The following SETX variants were observed in gnomAD, a reference collection of about 807,000 sequenced individuals.
The protein encoded by SETX is senataxin.
SETX carries 90 observed loss-of-function variants against 227.2 expected under a neutral mutation model. That is an observed-to-expected ratio of 0.40 (90% CI 0.33 to 0.47). The LOEUF is 0.47. Ranked by LOEUF, SETX falls within the 20% of genes least tolerant of loss-of-function variation. SETX has a pLI of 0.91. For missense variants in SETX, 3,052 were observed against 3,181.5 expected, an observed-to-expected ratio of 0.96 and a Z score of 0.98; for synonymous variants, 1,210 against 1,113.2, an observed-to-expected ratio of 1.09 and a Z score of -1.73.
In SETX at chr9:132,329,953, G is replaced by C; in HGVS notation, c.1645C>G (p.Leu549Val). 1 of 1,614,220 alleles carries C rather than the reference G, an allele frequency of 6.2e-7. No individual in the cohort carries two copies. ...IRSLLKEGYQLGQQSLCKRFW... is the reference protein window; with the variant it reads ...IRSLLKEGYQVGQQSLCKRFW... ...CGCTTGCAAAGAGACTGCTGCCCAAGCTGATAACCTTCTTTAAGGAGACTT... is the reference window on the plus strand; with the variant it reads ...CGCTTGCAAAGAGACTGCTGCCCAACCTGATAACCTTCTTTAAGGAGACTT... The change falls in exon 10 of 26, where the codon CTT becomes GTT. Residue 549 changes from leucine to valine, a missense_variant. This residue lies in a region of SETX where 179 missense variants were observed against 197.1 expected (regional missense o/e 0.91). Coordinates refer to ENST00000224140, the MANE Select transcript of SETX (RefSeq NM_015046.7).
chr9:132,348,085 G>A (rs540121023), intron 3 of SETX, among the ~76,000 whole-genome samples: 106 of 150,170 alleles, frequency 7.1e-4, no homozygotes, highest in Non-Finnish European at 1.0e-3. Flanking sequence ...CTGGCCAGGC[G>A]CAGTGGCTCA....
chr9:132,329,102 C>G lies in SETX; in HGVS notation c.2496G>C (p.Gln832His), dbSNP rs1185268312. The stretch of plus-strand genomic sequence containing the variant: ...GATTGTGTATGAAACCATCTCCTTT[C>G]TGAACTCCTGTATCTTTCCTTGAAT... ...SFYSRKDTGV[Q>H]KGDGFIHNLS... Residue 832 changes from glutamine to histidine, a missense_variant, in exon 10 of 26, where the codon CAG becomes CAC. This residue lies in a region of SETX where 1,483 missense variants were observed against 1,312.0 expected (regional missense o/e 1.13). Coordinates refer to ENST00000224140, the MANE Select transcript of SETX (RefSeq NM_015046.7). 1.2e-6 allele frequency: 2 copies of G among 1,610,180 alleles called. No individual in the cohort carries two copies. Among genetic ancestry groups the G allele is most frequent in the South Asian group, 1.1e-5 (1 of 90,684 alleles).
chr9:132,327,176 A>G lies in SETX; in HGVS notation c.4422T>C (p.His1474=). 1 of 1,614,188 alleles carries G rather than the reference A, an allele frequency of 6.2e-7. No individual in the cohort carries two copies. Among genetic ancestry groups the G allele is most frequent in the Non-Finnish European group, 8.5e-7 (1 of 1,180,032 alleles). Residue 1474 remains histidine (H), a synonymous_variant, in exon 10 of 26, where the codon CAT becomes CAC. Transcript: ENST00000224140. ...PLGGGDPTAR[H]IEMAALKEGE... is the part of the protein sequence containing the mutation. Reference sequence around the variant, plus strand: ...CTTCTTTCAAAGCTGCCATCTCTATATGACGTGCTGTTGGATCACCTCCAC... The same window carrying G: ...CTTCTTTCAAAGCTGCCATCTCTATGTGACGTGCTGTTGGATCACCTCCAC...
intron 22 of SETX, among the ~76,000 whole-genome samples, 189 bp from the exon 23 acceptor site, chr9:132,275,609 T>C (rs1321346499): frequency 1.3e-5 from 2 of 152,186 alleles, no homozygotes; most frequent in East Asian, 3.8e-4. Context: ...TATGAATAAA[T>C]GTGAAAATAC....
At chr9:132,298,358 A>C (rs1844797917) in intron 12 of SETX, 46 bp from the exon 13 acceptor site, 2 of 1,435,020 alleles carry the variant, frequency 1.4e-6, no homozygotes, top group African/African-American at 1.4e-5. Context: ...TCACTGAATA[A>C]TGCTGCCTAG....
chr9:132,346,305 A>G lies in SETX; in HGVS notation c.344T>C (p.Leu115Pro). Reference protein sequence around the residue: ...DFENKLRVPLLEILKYPYLLL... With the variant: ...DFENKLRVPLPEILKYPYLLL... ...CAAGTAAGGATATTTCAGTATTTCA[A>G]GAAGAGGAACTCGAAGCTTATTTTC... is the stretch of plus-strand genomic sequence containing the variant. The change falls in exon 4 of 26, where the codon CTT (leucine) becomes CCT (proline). Residue 115 changes from leucine (L) to proline (P), a missense_variant. Around this residue, in one of 10 missense-constraint regions of SETX, gnomAD observed 152 missense variants for 156.2 expected, o/e 0.97. Transcript: ENST00000224140. 1.9e-6 allele frequency: 3 copies of G among 1,614,098 alleles called. No individual in the cohort carries two copies. The highest frequency in any genetic ancestry group is 2.5e-6 in the Non-Finnish European group (3 of 1,179,988).
chr9:132,341,250 T>C (rs1046871393), intron 5 of SETX, among the ~76,000 whole-genome samples: 7 of 152,148 alleles, frequency 4.6e-5, no homozygotes, highest in Admixed American at 2.0e-4. Context: ...AAAAAATTTT[T>C]TTTAATAAAC....
chr9:132,286,459 A>T lies in SETX; in HGVS notation c.6360T>A (p.Ser2120=). The T allele has an allele frequency of 6.2e-7, 1 of 1,613,730 alleles. No homozygotes were observed. Among genetic ancestry groups the T allele is most frequent in the African/African-American group, 1.3e-5 (1 of 75,052 alleles). ...TAGAAGCAAGTTCCTGCCTTTCCTT[A>T]GAAACTTTGGAAATGTTTTCATCTA... is the stretch of plus-strand genomic sequence containing the variant. The part of the protein sequence containing the change: ...QELDENISKV[S]KERQELASKI... The change falls in exon 18 of 26, where the codon TCT becomes TCA. Residue 2120 remains serine (S), a synonymous_variant. Coordinates refer to ENST00000224140, the MANE Select transcript of SETX (RefSeq NM_015046.7).
At chr9:132,314,705 T>G (rs1845863633) in intron 10 of SETX, among the ~76,000 whole-genome samples, 1 of 152,144 alleles carries the variant, frequency 6.6e-6, no homozygotes, top group African/African-American at 2.4e-5. Context: ...AAGAATAGAT[T>G]ATTCTACAAA....
At chr9:132,342,832 T>C in intron 4 of SETX, 33 bp from the exon 5 acceptor site, 3 of 1,437,244 alleles carry the variant, frequency 2.1e-6, no homozygotes, top group Non-Finnish European at 2.9e-6. Context: ...AATACATAAA[T>C]CTTATCACCT....
At chr9:132,331,964 G>A (rs1039539412) in intron 7 of SETX, among the ~76,000 whole-genome samples, 4 of 152,172 alleles carry the variant, frequency 2.6e-5, no homozygotes, top group African/African-American at 9.7e-5. Flanking sequence ...CGCATCTAGT[G>A]TAAATGACTA....
chr9:132,338,690 T>C (rs1847786113), intron 5 of SETX, among the ~76,000 whole-genome samples: 2 of 152,352 alleles, frequency 1.3e-5, no homozygotes, highest in South Asian at 4.1e-4. Context: ...TCCTCTTCTG[T>C]TCTGGGACAT....
chr9:132,284,648 G>C (rs970808553), intron 18 of SETX, among the ~76,000 whole-genome samples: 11 of 152,178 alleles, frequency 7.2e-5, no homozygotes, highest in Non-Finnish European at 1.3e-4. Context: ...TGTTACAGGA[G>C]TCTTATGATC....
chr9:132,353,098 C>G lies in SETX; in HGVS notation c.-8+551G>C, dbSNP rs562596420. Among the ~76,000 whole-genome samples the G allele has an allele frequency of 9.9e-5, 15 of 152,266 alleles. No homozygotes were observed. In the South Asian group the frequency reaches 2.9e-3, roughly 29 times the overall value. ...TCCAAAATGCTGCCAGAGGCCAAAG[C>G]CCCAAACTGGACTTCGAAAGCACAA... On this transcript the variant is annotated intron_variant, in intron 2 of 25. Transcript: ENST00000224140.
chr9:132,322,206 A>C (rs1277351412), intron 10 of SETX, among the ~76,000 whole-genome samples: 1 of 152,142 alleles, frequency 6.6e-6, no homozygotes, highest in Non-Finnish European at 1.5e-5. Context: ...TTTTAAAGTA[A>C]TATTTTTTAA....
chr9:132,309,104 C>T (rs927213281), intron 11 of SETX, among the ~76,000 whole-genome samples: 2 of 152,152 alleles, frequency 1.3e-5, no homozygotes, highest in African/African-American at 4.8e-5. Context: ...CGCCACTGCA[C>T]TCCAGTCTGG....
rs1247366841 is a variant in SETX, at chr9:132,346,554, T to A, written c.178-83A>T. 9.3e-6 allele frequency: 9 copies of A among 964,246 alleles called. No homozygotes were observed. In the South Asian group the frequency reaches 1.1e-4, roughly 12 times the overall value. 59.7% of individuals were successfully genotyped at this position (964,246 alleles called of 1,614,324 possible). A position where few individuals can be genotyped will look rare whatever the true frequency, so the allele number is the denominator to read the frequency against. On this transcript the variant is annotated intron_variant, in intron 3 of 25. Transcript: ENST00000224140. Reference sequence around the variant, plus strand: ...GAATGTGACGACCTAGAAAGCCTTTTCCTAAGTACAAAAATTCTGAAATGT... The same window carrying A: ...GAATGTGACGACCTAGAAAGCCTTTACCTAAGTACAAAAATTCTGAAATGT...
chr9:132,304,094 A>G (rs980732693), intron 11 of SETX, among the ~76,000 whole-genome samples: 3 of 152,204 alleles, frequency 2.0e-5, no homozygotes, highest in African/African-American at 7.2e-5. Flanking sequence ...CAACAGAGCA[A>G]GACTCCGTCT....
intron 20 of SETX, 27 bp from the exon 21 acceptor site, chr9:132,278,284 T>A (rs747023786): frequency 6.2e-7 from 1 of 1,608,964 alleles, no homozygotes; most frequent in South Asian, 1.1e-5. Context: ...AAAGCAACAG[T>A]TTCCAAGAAT....
Sources: gnomAD v4.1 joint callset for allele counts (sites outside exome capture counted in the v4.1 genomes callset) on GRCh38, gnomAD v4.1.1 for gene constraint, gnomAD v4.1.1 regional missense constraint, MANE v1.5 for transcripts, NCBI Gene and HGNC (gene_info 2026-07-23, HGNC 2026-07-21) for gene names.